The following DNAH8 variants were observed in gnomAD, a reference collection of about 807,000 sequenced individuals.
The protein encoded by DNAH8 is axonemal beta dynein heavy chain 8.
DNAH8 carries 382 observed loss-of-function variants against 562.1 expected under a neutral mutation model. That is an observed-to-expected ratio of 0.68 (90% CI 0.63 to 0.74). The LOEUF (loss-of-function observed/expected upper bound fraction) is 0.74, where lower values mean the gene tolerates loss of function less well. Among genes scored for constraint, DNAH8 ranks in the 30% least tolerant of loss-of-function variants. DNAH8 has a pLI of 0.00. For synonymous variants in DNAH8, 1,881 were observed against 1,919.4 expected, an observed-to-expected ratio of 0.98 and a Z score of 0.52; for missense variants, 5,203 against 5,620.4, an observed-to-expected ratio of 0.93 and a Z score of 2.37.
At chr6:38,976,099 T>C (rs1434201584) in intron 85 of DNAH8, among the ~76,000 whole-genome samples, 1 of 152,190 alleles carries the variant, frequency 6.6e-6, no homozygotes, top group African/African-American at 2.4e-5. Context: ...TGTCCAGGAA[T>C]AAAAGGCTGA....
chr6:39,030,442 C>T lies in DNAH8; in HGVS notation c.*50C>T. ...CCAGAACCCACATAGACAGCCTGTG[C>T]TATTGAGGGACTCAGTGATGTGTGT... On this transcript the variant is annotated 3_prime_UTR_variant, in exon 93 of 93. Transcript: ENST00000327475. 6.7e-7 allele frequency: 1 copy of T among 1,499,266 alleles called. No homozygotes were observed. The highest frequency in any genetic ancestry group is 9.2e-7 in the Non-Finnish European group (1 of 1,089,890). The allele number at this position is 1,499,266 out of a possible 1,614,324, so 92.9% of individuals were successfully genotyped here. A position where few individuals can be genotyped will look rare whatever the true frequency, so the allele number is the denominator to read the frequency against.
intron 77 of DNAH8, among the ~76,000 whole-genome samples, chr6:38,937,113 C>T (rs906238741): frequency 6.6e-6 from 1 of 151,850 alleles, no homozygotes; most frequent in Admixed American, 6.6e-5. Flanking sequence ...AATAGAAAAC[C>T]AAACACCGCA....
chr6:38,734,326 A>C (rs1340263084), intron 4 of DNAH8, 148 bp from the exon 5 acceptor site: 60 of 451,110 alleles, frequency 1.3e-4, no homozygotes, highest in African/African-American at 5.9e-4. Context: ...CTTCTAGTAG[A>C]CCCCCCCCCA....
intron 82 of DNAH8, among the ~76,000 whole-genome samples, chr6:38,966,669 T>G (rs1419211266): frequency 6.6e-6 from 1 of 152,128 alleles, no homozygotes; most frequent in Non-Finnish European, 1.5e-5. Context: ...ATGAGATTGG[T>G]TAAACATATG....
At chr6:38,949,624 A>G (rs888358987) in intron 81 of DNAH8, 54 bp downstream of exon 81, 9 of 1,083,424 alleles carry the variant, frequency 8.3e-6, no homozygotes, top group Non-Finnish European at 1.1e-5. Context: ...TTGCTAAATT[A>G]CAGATTTTAT....
chr6:38,734,337 A>AC, intron 4 of DNAH8, 137 bp from the exon 5 acceptor site: 2 of 688,662 alleles, frequency 2.9e-6, no homozygotes, highest in Non-Finnish European at 3.9e-6. Flanking sequence ...CCCCCCCCCA[A>AC]AAAAATTATT....
At chr6:38,916,448 G>A (rs1289478100) in intron 68 of DNAH8, among the ~76,000 whole-genome samples, 3 of 152,044 alleles carry the variant, frequency 2.0e-5, no homozygotes, top group Non-Finnish European at 4.4e-5. Flanking sequence ...CCTTATGTAG[G>A]GTAATTGTAT....
At position 38,851,649 on chromosome 6, in the gene DNAH8, A is replaced by C; in HGVS notation, c.5441A>C (p.Gln1814Pro). 6.2e-7 allele frequency: 1 copy of C among 1,611,130 alleles called. No homozygotes were observed. The highest frequency in any genetic ancestry group is 1.1e-5 in the South Asian group (1 of 90,472). ...SDPVLLEILGQASDSHTIQPH... is the reference protein window; with the variant it reads ...SDPVLLEILGPASDSHTIQPH... ...CCAGTTCTCCTGGAAATTCTTGGACAAGCCAGTGATTCCCACACCATACAG... is the reference window on the plus strand; with the variant it reads ...CCAGTTCTCCTGGAAATTCTTGGACCAGCCAGTGATTCCCACACCATACAG... The change falls in exon 39 of 93, where the codon CAA (glutamine) becomes CCA (proline). Residue 1814 changes from glutamine (Q) to proline (P), a missense_variant. Around this residue, in one of 6 missense-constraint regions of DNAH8, gnomAD observed 2,176 missense variants for 2,365.1 expected, o/e 0.92. Transcript: ENST00000327475.
chr6:38,801,162 A>T (rs533559342), intron 21 of DNAH8, among the ~76,000 whole-genome samples: 2 of 152,016 alleles, frequency 1.3e-5, no homozygotes, highest in South Asian at 4.1e-4. Flanking sequence ...TTTTCCTCTA[A>T]GAGTTTTTTT....
At chr6:38,993,394 C>A (rs1319572929) in intron 88 of DNAH8, among the ~76,000 whole-genome samples, 1 of 152,178 alleles carries the variant, frequency 6.6e-6, no homozygotes, top group Admixed American at 6.5e-5. Flanking sequence ...ATGCTATCAA[C>A]TGATATATAG....
At position 38,945,458 on chromosome 6, in the gene DNAH8, C is replaced by T; in HGVS notation, c.12008-9C>T. 1 of 1,613,990 alleles carries T rather than the reference C, an allele frequency of 6.2e-7. No individual in the cohort carries two copies. Among genetic ancestry groups the T allele is most frequent in the Non-Finnish European group, 8.5e-7 (1 of 1,179,868 alleles). ...TACCCAATTCACCCTGTCTGACGCT[C>T]TTCCCCAGGGGGAGCAGCTCTGGAC... On this transcript the variant is annotated splice_polypyrimidine_tract_variant and intron_variant, in intron 79 of 92. Coordinates refer to ENST00000327475, the MANE Select transcript of DNAH8 (RefSeq NM_001206927.2).
At chr6:38,873,201 T>C (rs1777606813) in intron 51 of DNAH8, 35 bp from the exon 52 acceptor site, 1 of 1,612,628 alleles carries the variant, frequency 6.2e-7, no homozygotes, top group African/African-American at 1.3e-5. Flanking sequence ...CGTTTCACTT[T>C]CTCAATAAAC....
chr6:38,866,313 A>G (rs1386478527), intron 45 of DNAH8, among the ~76,000 whole-genome samples: 2 of 152,180 alleles, frequency 1.3e-5, no homozygotes, highest in African/African-American at 4.8e-5. Context: ...TTTTTAAGCC[A>G]GCAGACACAA....
chr6:38,831,430 CAA>C lies in DNAH8; in HGVS notation c.4189-873_4189-872del, dbSNP rs67322321. 8.6e-3 allele frequency among the ~76,000 whole-genome samples: 766 copies of C among 88,982 alleles called. 2 individuals are homozygous for C. Among genetic ancestry groups the C allele is most frequent in the African/African-American group, 0.029 (643 of 22,326 alleles). The allele number at this position is 88,982 out of a possible 152,430, so 58.4% of individuals were successfully genotyped here. On this transcript the variant is annotated intron_variant, in intron 30 of 92. Coordinates refer to ENST00000327475, the MANE Select transcript of DNAH8 (RefSeq NM_001206927.2). ...CTGGTGACAGAGTGAGACACCATCT[CAA>C]AAAAAAAAAAAAAAAAAAGAAAAAA... is the stretch of plus-strand genomic sequence containing the variant.
intron 81 of DNAH8, among the ~76,000 whole-genome samples, chr6:38,950,258 G>A (rs1761783539): frequency 6.6e-6 from 1 of 151,330 alleles, no homozygotes; most frequent in Non-Finnish European, 1.5e-5. Flanking sequence ...GAGTAAAGCA[G>A]GGGAGATGAG....
chr6:38,859,562 T>C (rs747454752), intron 42 of DNAH8, among the ~76,000 whole-genome samples: 5 of 152,212 alleles, frequency 3.3e-5, no homozygotes, highest in Non-Finnish European at 5.9e-5. Context: ...CACTTGCCAC[T>C]TCCTGTGTTG....
intron 88 of DNAH8, among the ~76,000 whole-genome samples, chr6:38,993,747 T>TTA (rs1474369208): frequency 6.6e-6 from 1 of 152,206 alleles, no homozygotes; most frequent in Non-Finnish European, 1.5e-5. Flanking sequence ...CAGGTCATTA[T>TTA]TATCTTCCTC....
At chr6:38,910,302 A>T (rs1333591304) in intron 65 of DNAH8, among the ~76,000 whole-genome samples, 1 of 152,232 alleles carries the variant, frequency 6.6e-6, no homozygotes, top group Non-Finnish European at 1.5e-5. Flanking sequence ...CCATGCAAAA[A>T]CACAGCTTTT....
rs1450754553 is a variant in DNAH8, at chr6:39,028,445, A to G, written c.13837-1660A>G. ...TACTGACAATCTTTGGCTTTCCTTCATCATTACAATCTCTGCCTCCATTCT... is the reference window on the plus strand; with the variant it reads ...TACTGACAATCTTTGGCTTTCCTTCGTCATTACAATCTCTGCCTCCATTCT... On this transcript the variant is annotated intron_variant, in intron 92 of 92. Transcript: ENST00000327475. Among the ~76,000 whole-genome samples, 7 of 152,256 alleles carry G rather than the reference A, an allele frequency of 4.6e-5. No individual in the cohort carries two copies. The East Asian group carries it at 1.4e-3, about 29-fold the overall frequency.
Sources: allele counts gnomAD v4.1 joint callset (sites outside exome capture counted in the v4.1 genomes callset), GRCh38; gene constraint gnomAD v4.1.1; regional missense constraint gnomAD v4.1.1; transcripts MANE v1.5; gene names NCBI Gene and HGNC (gene_info 2026-07-23, HGNC 2026-07-21).